Variants in FSD1L observed in about 807,000 individuals in gnomAD.
FSD1L encodes the protein FSD1-like protein.
A neutral mutation model predicts 71.6 loss-of-function variants in FSD1L; 45 were observed. That is an observed-to-expected ratio of 0.63 (90% CI 0.49 to 0.81). FSD1L has a LOEUF of 0.81. FSD1L is among the 30% of genes least tolerant of loss of function. The pLI, the probability that FSD1L is intolerant of heterozygous loss-of-function variation, is 0.00. For synonymous variants in FSD1L, 197 were observed against 207.2 expected (o/e 0.95, Z 0.42); for missense variants, 561 against 618.1 (o/e 0.91, Z 0.98).
Position 105,471,973 on chromosome 9 carries a change from T to G in FSD1L, c.409T>G (p.Leu137Val). The G allele has an allele frequency of 6.9e-7, 1 of 1,443,142 alleles. No individual in the cohort carries two copies. The highest frequency in any genetic ancestry group is 9.1e-7 in the Non-Finnish European group (1 of 1,099,560). 89.4% of individuals were successfully genotyped at this position (1,443,142 alleles called of 1,614,324 possible). A position where few individuals can be genotyped will look rare whatever the true frequency, so the allele number is the denominator to read the frequency against. The change falls in exon 5 of 14, where the codon TTA (leucine) becomes GTA (valine). Residue 137 changes from leucine (L) to valine (V), a missense_variant. Leu to Val is a conservative substitution (Grantham distance 32). Around this residue, in one of 3 missense-constraint regions of FSD1L, gnomAD observed 410 missense variants for 413.5 expected, o/e 0.99. Coordinates refer to ENST00000481272, the MANE Select transcript of FSD1L (RefSeq NM_001145313.3). ...ACTATTAGAATTTGCAACAAGGTCATTAGATATAAAGGAACCTGAAGAATT... is the reference window on the plus strand; with the variant it reads ...ACTATTAGAATTTGCAACAAGGTCAGTAGATATAAAGGAACCTGAAGAATT... ...EELLEFATRS[L>V]DIKEPEEFSK...
At chr9:105,496,202 CTTTTTTT>C (rs542818608) in intron 7 of FSD1L, among the ~76,000 whole-genome samples, 1 of 113,244 alleles carries the variant, frequency 8.8e-6, no homozygotes, top group African/African-American at 3.2e-5. Context: ...ATGACTGTAG[CTTTTTTT>C]TTTTTTTTTT....
chr9:105,539,823 GTTCA>G (rs1340226179), intron 13 of FSD1L, among the ~76,000 whole-genome samples: 10 of 152,164 alleles, frequency 6.6e-5, no homozygotes, highest in South Asian at 2.1e-4. Flanking sequence ...TGTGGTTATA[GTTCA>G]TTCATTCTCA....
At chr9:105,511,837 C>T (rs982809416) in intron 9 of FSD1L, among the ~76,000 whole-genome samples, 1 of 151,924 alleles carries the variant, frequency 6.6e-6, no homozygotes, top group African/African-American at 2.4e-5. Context: ...CACACTGAAG[C>T]CTTAGCTAAA....
chr9:105,460,485 G>A (rs1830618855), intron 1 of FSD1L, among the ~76,000 whole-genome samples: 1 of 151,318 alleles, frequency 6.6e-6, no homozygotes, highest in Non-Finnish European at 1.5e-5. Context: ...CCAGCTACTC[G>A]AGAGGCTGAG....
chr9:105,526,484 A>G (rs1835519946), intron 10 of FSD1L: 8 of 1,612,270 alleles, frequency 5.0e-6, no homozygotes, highest in African/African-American at 2.7e-5. Context: ...CAAAAGCCGC[A>G]TGTCCATGAA....
intron 3 of FSD1L, 116 bp from the exon 4 acceptor site, chr9:105,468,077 A>AT (rs1450379527): frequency 1.4e-6 from 1 of 707,112 alleles, no homozygotes; most frequent in Non-Finnish European, 2.0e-6. Flanking sequence ...TGTTATTTTT[A>AT]TATTAGGCCA....
intron 10 of FSD1L, among the ~76,000 whole-genome samples, chr9:105,534,248 A>G (rs1253363633): frequency 6.6e-6 from 1 of 152,032 alleles, no homozygotes; most frequent in East Asian, 1.9e-4. Context: ...TTCTTTGTAT[A>G]AGCCTTGCTC....
At chr9:105,465,336 C>A (rs1451740900) in intron 3 of FSD1L, among the ~76,000 whole-genome samples, 1 of 152,160 alleles carries the variant, frequency 6.6e-6, no homozygotes, top group Non-Finnish European at 1.5e-5. Flanking sequence ...ATTTAAAGAA[C>A]TAATATCAGT....
At chr9:105,510,724 G>C (rs183384161) in intron 9 of FSD1L, among the ~76,000 whole-genome samples, 1 of 152,208 alleles carries the variant, frequency 6.6e-6, no homozygotes, top group Non-Finnish European at 1.5e-5. Context: ...AATATTTAGA[G>C]TATATTATTA....
At chr9:105,518,699 A>G (rs1234808304) in intron 10 of FSD1L, among the ~76,000 whole-genome samples, 6 of 152,236 alleles carry the variant, frequency 3.9e-5, no homozygotes, top group Non-Finnish European at 8.8e-5. Flanking sequence ...AATGCCCACA[A>G]GAGAAAGCAG....
At chr9:105,536,977 G>A (rs1836309450) in intron 12 of FSD1L, among the ~76,000 whole-genome samples, 1 of 152,046 alleles carries the variant, frequency 6.6e-6, no homozygotes, top group African/African-American at 2.4e-5. Flanking sequence ...TATATGTAAT[G>A]CAAATGAAGA....
Position 105,455,692 on chromosome 9 carries a change from A to G in FSD1L, c.16-5828A>G, listed in dbSNP as rs56724898. ...GTTGATAGCTGTGTGACCTAAAACA[A>G]GTTTCTTAACATCTTGAATCTTTCC... On this transcript the variant is annotated intron_variant, in intron 1 of 13. Coordinates refer to ENST00000481272, the MANE Select transcript of FSD1L (RefSeq NM_001145313.3). Among the ~76,000 whole-genome samples the G allele has an allele frequency of 5.5e-3, 845 of 152,268 alleles. 10 individuals carry two copies. The highest frequency in any genetic ancestry group is 0.02 in the African/African-American group (819 of 41,538).
chr9:105,525,344 C>G (rs558333843), intron 10 of FSD1L: 3 of 1,593,026 alleles, frequency 1.9e-6, no homozygotes, highest in South Asian at 2.3e-5. Context: ...TTACAGAGAA[C>G]TGGAATCTCA....
intron 10 of FSD1L, among the ~76,000 whole-genome samples, chr9:105,531,950 T>C (rs1012761243): frequency 6.6e-6 from 1 of 152,204 alleles, no homozygotes; most frequent in Non-Finnish European, 1.5e-5. Flanking sequence ...TTCACACCTC[T>C]TTTTAAGAAA....
At chr9:105,520,837 C>G (rs1835101272) in intron 10 of FSD1L, 3 of 1,612,196 alleles carry the variant, frequency 1.9e-6, no homozygotes, top group Non-Finnish European at 2.5e-6. Context: ...CCTCTTGTCC[C>G]CCCACAATCA....
intron 10 of FSD1L, chr9:105,526,088 G>A (rs1007775881): frequency 6.5e-7 from 1 of 1,536,294 alleles, no homozygotes; most frequent in Non-Finnish European, 9.0e-7. Flanking sequence ...CAGATAATGA[G>A]AAAACCAGAG....
rs1450926861 is a variant in FSD1L at position 105,512,925 on chromosome 9, G to A, written c.1014G>A (p.Glu338=). The A allele has an allele frequency of 2.0e-6, 3 of 1,535,436 alleles. No homozygotes were observed. The East Asian group carries it at 7.4e-5, about 38-fold the overall frequency. ...AAGAAAGTAAAATTAAAGGAAAAGA[G>A]AACAAGGGCAGGTAAGCTAGACCAT... is the stretch of plus-strand genomic sequence containing the variant. ...KGQESKIKGK[E]NKGRSGTPSP... The change falls in exon 10 of 14, where the codon GAG becomes GAA. Residue 338 remains glutamate (E), a synonymous_variant. Coordinates refer to ENST00000481272, the MANE Select transcript of FSD1L (RefSeq NM_001145313.3).
intron 7 of FSD1L, among the ~76,000 whole-genome samples, chr9:105,499,798 G>T (rs2131332091): frequency 6.6e-6 from 1 of 151,298 alleles, no homozygotes; most frequent in African/African-American, 2.4e-5. Context: ...TTCTTCTTCT[G>T]TAATTTCCAT....
At chr9:105,466,240 G>A (rs1248685849) in intron 3 of FSD1L, among the ~76,000 whole-genome samples, 1 of 152,064 alleles carries the variant, frequency 6.6e-6, no homozygotes, top group Non-Finnish European at 1.5e-5. Context: ...AATTTAAGAA[G>A]ACAAATGAAT....
Sources: gnomAD v4.1 joint callset for allele counts (sites outside exome capture counted in the v4.1 genomes callset) on GRCh38, gnomAD v4.1.1 for gene constraint, gnomAD v4.1.1 regional missense constraint, MANE v1.5 for transcripts, NCBI Gene and HGNC (gene_info 2026-07-23, HGNC 2026-07-21) for gene names.